Variants in GRIP1 observed in about 807,000 individuals in gnomAD.
GRIP1 encodes the protein glutamate receptor-interacting protein 1.
GRIP1 carries 45 observed loss-of-function variants against 129.9 expected under a neutral mutation model. That is an observed-to-expected ratio of 0.35 (90% CI 0.27 to 0.44). The LOEUF (loss-of-function observed/expected upper bound fraction) is 0.44. Ranked by LOEUF, GRIP1 falls within the 20% of genes least tolerant of loss-of-function variation. The pLI, the probability that GRIP1 is intolerant of heterozygous loss-of-function variation, is 1.00. For synonymous variants in GRIP1, 530 were observed against 520.8 expected, an observed-to-expected ratio of 1.02 and a Z score of -0.24; for missense variants, 1,196 against 1,396.8, an observed-to-expected ratio of 0.86 and a Z score of 2.29.
At chr12:66,636,732 T>C (rs1801970302) in intron 1 of GRIP1, among the ~76,000 whole-genome samples, 1 of 144,036 alleles carries the variant, frequency 6.9e-6, no homozygotes, top group African/African-American at 2.5e-5. Context: ...TGTGTGTGTG[T>C]GTGTGTGTGT....
intron 1 of GRIP1, among the ~76,000 whole-genome samples, chr12:66,630,838 G>C (rs977029149): frequency 2.0e-5 from 3 of 152,160 alleles, no homozygotes; most frequent in Non-Finnish European, 2.9e-5. Context: ...TTACATTGTA[G>C]AGAAGAAATA....
chr12:66,450,097 G>A (rs1401221133), intron 11 of GRIP1, among the ~76,000 whole-genome samples: 2 of 151,586 alleles, frequency 1.3e-5, no homozygotes, highest in East Asian at 3.9e-4. Context: ...TCAGGAAATT[G>A]AGACCATCCT....
rs2034454376 is a variant in GRIP1, at chr12:66,678,782, A to C, written c.55+68T>G. On this transcript the variant is annotated intron_variant, in intron 1 of 24. Transcript: ENST00000359742. ...AAGGCAGTCATATTTGAAAGTAAAA[A>C]CCATTAAACTGTGTTTATAGGATAC... The C allele has an allele frequency of 1.3e-5, 19 of 1,435,104 alleles. No homozygotes were observed. In the Middle Eastern group the frequency reaches 5.2e-4, roughly 39 times the overall value. 88.9% of individuals were successfully genotyped at this position (1,435,104 alleles called of 1,614,324 possible).
At chr12:66,505,317 G>A (rs1469764091) in intron 7 of GRIP1, among the ~76,000 whole-genome samples, 1 of 152,176 alleles carries the variant, frequency 6.6e-6, no homozygotes, top group East Asian at 1.9e-4. Flanking sequence ...TGGTTTCTAG[G>A]AACAGCGAAT....
rs193146366 is a variant in GRIP1, at chr12:66,787,677, C to G, written c.-420+16376G>C. On this transcript the variant is annotated intron_variant, in intron 1 of 4. Coordinates refer to the GRIP1 transcript ENST00000538373. ...ACAGCTAGAAGGCACCATCTATGAGCAACAGACCCTCACCCAACACCGAAT... is the reference window on the plus strand; with the variant it reads ...ACAGCTAGAAGGCACCATCTATGAGGAACAGACCCTCACCCAACACCGAAT... Among the ~76,000 whole-genome samples the G allele has an allele frequency of 8.3e-4, 126 of 152,198 alleles. 1 individual carries two copies. The highest frequency in any genetic ancestry group is 7.3e-3 in the Admixed American group (112 of 15,280).
At chr12:66,848,419 C>T (rs909977087) in intron 1 of GRIP1, among the ~76,000 whole-genome samples, 1 of 152,060 alleles carries the variant, frequency 6.6e-6, no homozygotes, top group African/African-American at 2.4e-5. Context: ...AGAAAATAGT[C>T]CTATCTGTGG....
chr12:66,434,230 T>A (rs1185229259), intron 13 of GRIP1, among the ~76,000 whole-genome samples: 1 of 152,182 alleles, frequency 6.6e-6, no homozygotes, highest in Non-Finnish European at 1.5e-5. Flanking sequence ...ATCCCCAGAC[T>A]GGCCCTCTCA....
chr12:66,914,374 A>G (rs1253358733), intron 1 of GRIP1, among the ~76,000 whole-genome samples: 5 of 152,250 alleles, frequency 3.3e-5, no homozygotes, highest in South Asian at 4.1e-4. Flanking sequence ...GTCTAGAAAA[A>G]AACATGTAAT....
chr12:66,448,518 A>T (rs2058692640), intron 11 of GRIP1, among the ~76,000 whole-genome samples: 1 of 151,936 alleles, frequency 6.6e-6, no homozygotes, highest in Non-Finnish European at 1.5e-5. Context: ...CTCCTGTCAA[A>T]CTTTCCGGAT....
intron 1 of GRIP1, among the ~76,000 whole-genome samples, chr12:66,902,174 C>T (rs876420): frequency 0.26 from 39,313 of 151,906 alleles, 5,463 homozygotes; most frequent in East Asian, 0.45. Flanking sequence ...TGGCACTTAG[C>T]AGATATTCAA....
At chr12:66,579,984 A>G (rs935518997) in intron 2 of GRIP1, among the ~76,000 whole-genome samples, 2 of 148,354 alleles carry the variant, frequency 1.3e-5, no homozygotes, top group African/African-American at 5.0e-5. Flanking sequence ...AATGAAGGAA[A>G]AAATGTTAAG....
At chr12:66,705,287 T>A (rs2035487943) in intron 1 of GRIP1, among the ~76,000 whole-genome samples, 1 of 151,818 alleles carries the variant, frequency 6.6e-6, no homozygotes. Flanking sequence ...TAGGTAAAAC[T>A]AATAAAACTA....
chr12:66,692,691 C>A (rs1259189924), intron 1 of GRIP1, among the ~76,000 whole-genome samples: 1 of 152,122 alleles, frequency 6.6e-6, no homozygotes, highest in Non-Finnish European at 1.5e-5. Flanking sequence ...TGTCTAGGAC[C>A]ACTGAGCACC....
At chr12:66,804,447 AG>A (rs955863905), upstream of GRIP1, among the ~76,000 whole-genome samples, 16 of 152,310 alleles carry the variant, frequency 1.1e-4, no homozygotes, top group East Asian at 3.1e-3. Context: ...TAAAAAAAAA[AG>A]AGGAAAAGAG....
At chr12:66,932,374 A>G (rs1034842525) in intron 1 of GRIP1, among the ~76,000 whole-genome samples, 10 of 152,254 alleles carry the variant, frequency 6.6e-5, no homozygotes, top group Non-Finnish European at 1.3e-4. Flanking sequence ...TTAATAAACT[A>G]GAAACCCTAT....
intron 4 of GRIP1, among the ~76,000 whole-genome samples, chr12:66,538,556 G>A (rs1261832748): frequency 1.3e-5 from 2 of 152,118 alleles, no homozygotes; most frequent in African/African-American, 4.8e-5. Flanking sequence ...AAGCAGAAGA[G>A]TAGTGAGATT....
rs1565988080 is a variant in GRIP1, at chr12:66,723,296, CTTTCTTTCTTTTTTTT to C, written c.-420+80741_-420+80756del. Among the ~76,000 whole-genome samples, 75 of 22,070 alleles carry C rather than the reference CTTTCTTTCTTTTTTTT, an allele frequency of 3.4e-3. 1 individual carries two copies. Among genetic ancestry groups the C allele is most frequent in the South Asian group, 8.9e-3 (5 of 564 alleles). The allele number at this position is 22,070 out of a possible 152,430, so 14.5% of individuals were successfully genotyped here. ...CCTTCCTTCCTTCCTTTCTTTCTTT[CTTTCTTTCTTTTTTTT>C]TTTTTTTTTTTTTTTTTTGAGACAG... On this transcript the variant is annotated intron_variant, in intron 1 of 4. Coordinates refer to the GRIP1 transcript ENST00000538373.
intron 1 of GRIP1, among the ~76,000 whole-genome samples, chr12:67,060,088 G>A (rs1384662662): frequency 6.6e-6 from 1 of 152,158 alleles, no homozygotes; most frequent in African/African-American, 2.4e-5. Flanking sequence ...AAGAACAAAT[G>A]TAGATCTGCA....
At chr12:66,585,738 A>G (rs1342879648) in intron 2 of GRIP1, among the ~76,000 whole-genome samples, 5 of 143,684 alleles carry the variant, frequency 3.5e-5, no homozygotes, top group Admixed American at 7.0e-5. Context: ...AAGTGTTCCT[A>G]TTTCTCCACA....
Sources: allele counts gnomAD v4.1 joint callset (sites outside exome capture counted in the v4.1 genomes callset), GRCh38; gene constraint gnomAD v4.1.1; transcripts MANE v1.5; gene names NCBI Gene and HGNC (gene_info 2026-07-23, HGNC 2026-07-21).